THSD4: variants seen among roughly 807,000 people sequenced by gnomAD.
The protein encoded by THSD4 is thrombospondin type-1 domain-containing protein 4.
In THSD4, 69 loss-of-function variants were observed where a neutral mutation model predicts 119.0. The ratio of observed to expected loss-of-function variants is 0.58; its 90% CI spans 0.48 to 0.71. The LOEUF (loss-of-function observed/expected upper bound fraction) is 0.71, where lower values mean the gene tolerates loss of function less well. Ranked by LOEUF, THSD4 falls within the 30% of genes least tolerant of loss-of-function variation. THSD4 has a pLI of 0.00. For missense variants in THSD4, 1,393 were observed against 1,391.1 expected, an observed-to-expected ratio of 1.00 and a Z score of -0.02; for synonymous variants, 524 against 540.4, an observed-to-expected ratio of 0.97 and a Z score of 0.42.
At chr15:71,759,820 G>A (rs998833302) in intron 15 of THSD4, among the ~76,000 whole-genome samples, 1 of 152,124 alleles carries the variant, frequency 6.6e-6, no homozygotes, top group Non-Finnish European at 1.5e-5. Flanking sequence ...AGAACCAAGG[G>A]TGGTATGAAC....
At chr15:71,545,263 C>A (rs899168239) in intron 7 of THSD4, among the ~76,000 whole-genome samples, 1 of 152,232 alleles carries the variant, frequency 6.6e-6, no homozygotes, top group African/African-American at 2.4e-5. Flanking sequence ...GACACAGGGG[C>A]CATTGGTGAC....
At chr15:71,330,468 C>T (rs1410555670) in intron 6 of THSD4, among the ~76,000 whole-genome samples, 1 of 152,176 alleles carries the variant, frequency 6.6e-6, no homozygotes. Flanking sequence ...TGCTAAAATC[C>T]AGGCCAGGAT....
intron 6 of THSD4, among the ~76,000 whole-genome samples, chr15:71,312,270 G>C (rs199741159): frequency 6.6e-6 from 1 of 152,126 alleles, no homozygotes; most frequent in Non-Finnish European, 1.5e-5. Flanking sequence ...AGAGGTTGCA[G>C]TAAGCTGAGA....
intron 6 of THSD4, among the ~76,000 whole-genome samples, chr15:71,278,438 A>G (rs1213320399): frequency 6.6e-6 from 1 of 152,158 alleles, no homozygotes; most frequent in Non-Finnish European, 1.5e-5. Flanking sequence ...ACCTGCCTCA[A>G]CCTGCCCCGA....
intron 7 of THSD4, among the ~76,000 whole-genome samples, chr15:71,451,682 G>A (rs2047267697): frequency 6.6e-6 from 1 of 152,188 alleles, no homozygotes; most frequent in Admixed American, 6.5e-5. Flanking sequence ...TGGTTTAGAT[G>A]TCACTTCTGG....
intron 7 of THSD4, among the ~76,000 whole-genome samples, chr15:71,606,223 C>T (rs1175642216): frequency 6.6e-6 from 1 of 152,232 alleles, no homozygotes; most frequent in African/African-American, 2.4e-5. Flanking sequence ...TGCTCTCCCT[C>T]TTCTTGGTTC....
intron 7 of THSD4, among the ~76,000 whole-genome samples, chr15:71,468,773 T>C (rs762983159): frequency 1.3e-4 from 20 of 152,218 alleles, no homozygotes; most frequent in Non-Finnish European, 2.2e-4. Context: ...TTTTTAAGAT[T>C]ATCTCATCAT....
At chr15:71,304,524 T>C (rs1199651332) in intron 6 of THSD4, among the ~76,000 whole-genome samples, 1 of 152,164 alleles carries the variant, frequency 6.6e-6, no homozygotes, top group Non-Finnish European at 1.5e-5. Flanking sequence ...TTCAGTCTTA[T>C]TAAAATTTTA....
intron 6 of THSD4, among the ~76,000 whole-genome samples, chr15:71,324,771 A>G (rs1314419293): frequency 1.3e-5 from 2 of 152,182 alleles, no homozygotes; most frequent in Non-Finnish European, 2.9e-5. Flanking sequence ...AATAAAACAT[A>G]CATGTGCAGG....
At chr15:71,183,376 G>A (rs28394463) in intron 3 of THSD4, among the ~76,000 whole-genome samples, 43,752 of 151,446 alleles carry the variant, frequency 0.29, 7,013 homozygotes, top group East Asian at 0.48. Flanking sequence ...GGGACACAGC[G>A]AAACCATAGC....
intron 15 of THSD4, 66 bp downstream of exon 15, chr15:71,758,141 G>T (rs114741382): frequency 6.8e-7 from 1 of 1,473,756 alleles, no homozygotes; most frequent in Non-Finnish European, 9.0e-7. Context: ...GAGGGGTTAG[G>T]AACCAGGACT....
At chr15:71,324,180 T>C (rs1016395380) in intron 6 of THSD4, among the ~76,000 whole-genome samples, 4 of 152,094 alleles carry the variant, frequency 2.6e-5, no homozygotes, top group African/African-American at 7.2e-5. Flanking sequence ...TGATAGCTGT[T>C]TTTTGTGTTC....
intron 6 of THSD4, among the ~76,000 whole-genome samples, chr15:71,372,050 C>G (rs1323661530): frequency 6.6e-6 from 1 of 152,190 alleles, no homozygotes; most frequent in African/African-American, 2.4e-5. Context: ...CACTGATAAC[C>G]TTTCTTCCAG....
At chr15:71,456,731 C>G (rs1309905100) in intron 7 of THSD4, among the ~76,000 whole-genome samples, 2 of 152,150 alleles carry the variant, frequency 1.3e-5, no homozygotes, top group South Asian at 2.1e-4. Context: ...GGCAAAACTT[C>G]TGCTGTGGAT....
At chr15:71,183,275 A>T (rs1466276347) in intron 3 of THSD4, 2 of 151,718 alleles carry the variant, frequency 1.3e-5, no homozygotes, top group Non-Finnish European at 2.9e-5. Flanking sequence ...AGTACGGGGG[A>T]AACTGCCCCA....
At chr15:71,492,454 T>G (rs928866856) in intron 7 of THSD4, among the ~76,000 whole-genome samples, 7 of 144,226 alleles carry the variant, frequency 4.9e-5, no homozygotes, top group East Asian at 3.9e-4. Context: ...TGTTGTTGTT[T>G]TTGTATTTTT....
intron 6 of THSD4, among the ~76,000 whole-genome samples, chr15:71,394,915 A>T (rs994458500): frequency 6.6e-6 from 1 of 152,206 alleles, no homozygotes; most frequent in African/African-American, 2.4e-5. Flanking sequence ...TTCTGAACAG[A>T]TGTCAGTATG....
At chr15:71,755,302 ATCGCTCATGCTGGCATG>A (rs1168322041) in intron 14 of THSD4, among the ~76,000 whole-genome samples, 1 of 152,250 alleles carries the variant, frequency 6.6e-6, no homozygotes, top group Non-Finnish European at 1.5e-5. Context: ...TAAATGTTTG[ATCGCTCATGCTGGCATG>A]TGATTTTACA....
At chr15:71,739,537 T>C (rs1361810344) in intron 11 of THSD4, among the ~76,000 whole-genome samples, 3 of 152,236 alleles carry the variant, frequency 2.0e-5, no homozygotes, top group Non-Finnish European at 2.9e-5. Context: ...AGAAACCCTT[T>C]ATCTGACATT....
Sources: allele counts gnomAD v4.1 joint callset (sites outside exome capture counted in the v4.1 genomes callset), GRCh38; gene constraint gnomAD v4.1.1; transcripts MANE v1.5; gene names NCBI Gene and HGNC (gene_info 2026-07-23, HGNC 2026-07-21).